MID1: variants seen among roughly 807,000 people sequenced by gnomAD.
MID1 encodes midline 1, also known as E3 ubiquitin-protein ligase Midline-1.
In MID1, 7 loss-of-function variants were observed where a neutral mutation model predicts 40.4. That is an observed-to-expected ratio of 0.17 (90% CI 0.10 to 0.33). The LOEUF (loss-of-function observed/expected upper bound fraction) is 0.33. Ranked by LOEUF, MID1 falls within the 10% of genes least tolerant of loss-of-function variation. MID1 has a pLI of 1.00. For synonymous variants in MID1, 229 were observed against 221.2 expected, an observed-to-expected ratio of 1.04 and a Z score of -0.31; for missense variants, 367 against 558.5, an observed-to-expected ratio of 0.66 and a Z score of 3.46.
chrX:10,505,940 G>A, intron 3 of MID1: 1 of 754,807 alleles, frequency 1.3e-6, no homozygotes, highest in Non-Finnish European at 1.6e-6. Context: ...TCTGGAAAAT[G>A]AACATTGGGT....
intron 1 of MID1, among the ~76,000 whole-genome samples, chrX:10,715,592 T>C (rs1216616020): frequency 8.9e-6 from 1 of 111,970 alleles, no homozygotes; most frequent in Non-Finnish European, 1.9e-5. Flanking sequence ...GGAGGCCTGC[T>C]TGCCTCTGTA....
At chrX:10,762,844 G>A (rs1214428613) in intron 1 of MID1, among the ~76,000 whole-genome samples, 1 of 111,773 alleles carries the variant, frequency 8.9e-6, no homozygotes, top group Non-Finnish European at 1.9e-5. Flanking sequence ...CCACAAATAA[G>A]TATCAGATAT....
At chrX:10,765,087 T>G (rs2043711273) in intron 1 of MID1, among the ~76,000 whole-genome samples, 1 of 111,222 alleles carries the variant, frequency 9.0e-6, no homozygotes, top group African/African-American at 3.3e-5. Flanking sequence ...AAGAAAAATA[T>G]TAGGGAAAGG....
intron 2 of MID1, among the ~76,000 whole-genome samples, chrX:10,544,337 GA>G (rs936462970): frequency 8.6e-5 from 9 of 104,615 alleles, no homozygotes; most frequent in East Asian, 2.9e-4. Context: ...ACTTAAGGGA[GA>G]AAAAAAAAAG....
intron 2 of MID1, among the ~76,000 whole-genome samples, chrX:10,529,250 C>G (rs747852133): frequency 2.7e-5 from 3 of 112,299 alleles, no homozygotes; most frequent in Admixed American, 9.4e-5. Flanking sequence ...TAAACCACCA[C>G]CAAATTAAAA....
chrX:10,567,925 A>G (rs1441231336), intron 1 of MID1, among the ~76,000 whole-genome samples: 1 of 112,243 alleles, frequency 8.9e-6, no homozygotes, highest in African/African-American at 3.2e-5. Context: ...TTTAATCAGA[A>G]TAATCTTATT....
chrX:10,689,058 G>A (rs2043116462), intron 1 of MID1, among the ~76,000 whole-genome samples: 1 of 109,524 alleles, frequency 9.1e-6, no homozygotes, highest in Non-Finnish European at 1.9e-5. Context: ...TTGACAGAAT[G>A]GGACAAAGTT....
intron 1 of MID1, among the ~76,000 whole-genome samples, chrX:10,811,150 G>A (rs2044097464): frequency 9.0e-6 from 1 of 111,661 alleles, no homozygotes; most frequent in Non-Finnish European, 1.9e-5. Context: ...TTTCAGTGTG[G>A]CTTTGAGCTG....
At chrX:10,533,370 AAG>A (rs1569089728) in intron 2 of MID1, among the ~76,000 whole-genome samples, 167 of 83,682 alleles carry the variant, frequency 2.0e-3, no homozygotes, top group Non-Finnish European at 3.1e-3. Context: ...GAAAGAAAGA[AAG>A]AAAGAAAAAG....
At chrX:10,725,156 T>C (rs2043381246) in intron 1 of MID1, among the ~76,000 whole-genome samples, 1 of 112,047 alleles carries the variant, frequency 8.9e-6, no homozygotes. Flanking sequence ...ATGATGTCAC[T>C]GTGACACTAA....
intron 1 of MID1, among the ~76,000 whole-genome samples, chrX:10,614,115 T>C (rs983826218): frequency 4.5e-5 from 5 of 110,936 alleles, no homozygotes; most frequent in Non-Finnish European, 7.5e-5. Flanking sequence ...AGTTCCAAGA[T>C]AAGCAGACAA....
intron 1 of MID1, among the ~76,000 whole-genome samples, chrX:10,640,197 TC>T (rs993011025): frequency 1.8e-5 from 2 of 111,628 alleles, no homozygotes; most frequent in African/African-American, 6.5e-5. Flanking sequence ...AGCTAAATGC[TC>T]CAATTAAAAG....
intron 5 of MID1, chrX:10,475,174 A>G (rs1246880552): frequency 3.0e-6 from 1 of 332,892 alleles, no homozygotes; most frequent in Admixed American, 3.1e-5. Flanking sequence ...ACTTCAAAGG[A>G]GAGTCTCCAA....
intron 6 of MID1, among the ~76,000 whole-genome samples, 153 bp from the exon 7 acceptor site, chrX:10,469,993 T>C (rs1048046395): frequency 1.8e-5 from 2 of 112,136 alleles, no homozygotes; most frequent in African/African-American, 3.2e-5. Flanking sequence ...GAATATCTGA[T>C]TGGCTGGTTA....
chrX:10,684,220 T>A (rs915503207), intron 1 of MID1, among the ~76,000 whole-genome samples: 3 of 111,263 alleles, frequency 2.7e-5, no homozygotes, highest in African/African-American at 9.8e-5. Context: ...AACTAAAAAA[T>A]GAAGTGACAG....
intron 1 of MID1, among the ~76,000 whole-genome samples, chrX:10,669,287 G>A (rs5978414): frequency 0.25 from 26,754 of 106,347 alleles, 3,108 homozygotes; most frequent in East Asian, 0.64. Context: ...TTCCCTGATG[G>A]TGGATGAATA....
At position 10,826,969 on chromosome X, in the gene MID1, C is replaced by G. The variant is rs770648051; in HGVS notation, c.-187+6585G>C. ...TCTCATCCTTATCCCTTTCCTTGTC[C>G]CATCTTCATGGGACTTTGCTCTCTT... On this transcript the variant is annotated intron_variant, in intron 1 of 10. Transcript: ENST00000380785. Among the ~76,000 whole-genome samples the G allele has an allele frequency of 1.9e-4, 21 of 111,618 alleles. No homozygotes were observed. In the East Asian group the frequency reaches 5.9e-3, roughly 32 times the overall value.
intron 1 of MID1, among the ~76,000 whole-genome samples, chrX:10,600,307 A>G (rs150556718): frequency 0.042 from 4,720 of 111,209 alleles, 95 homozygotes; most frequent in African/African-American, 0.075. Flanking sequence ...CAAAGAAAAA[A>G]AAAAGAGTAA....
At chrX:10,537,662 G>A (rs749290952) in intron 2 of MID1, among the ~76,000 whole-genome samples, 4 of 112,534 alleles carry the variant, frequency 3.6e-5, no homozygotes, top group Non-Finnish European at 5.6e-5. Flanking sequence ...CTTTAGCACT[G>A]TGCAATTTTG....
Sources: allele counts gnomAD v4.1 joint callset (sites outside exome capture counted in the v4.1 genomes callset), GRCh38; gene constraint gnomAD v4.1.1; transcripts MANE v1.5; gene names NCBI Gene and HGNC (gene_info 2026-07-23, HGNC 2026-07-21).